VWA3B: variants seen among roughly 807,000 people sequenced by gnomAD.
VWA3B encodes von Willebrand factor A domain containing 3B.
In VWA3B, 138 loss-of-function variants were observed where a neutral mutation model predicts 158.3. The observed-to-expected ratio is 0.87, with a 90% CI of 0.76 to 1.00. The LOEUF (loss-of-function observed/expected upper bound fraction) is 1.00. Among genes scored for constraint, VWA3B ranks in the 50% least tolerant of loss-of-function variants. The pLI, the probability that VWA3B is intolerant of heterozygous loss-of-function variation, is 0.00. For missense variants in VWA3B, 1,555 were observed against 1,565.1 expected, an observed-to-expected ratio of 0.99 and a Z score of 0.11; for synonymous variants, 596 against 587.3, an observed-to-expected ratio of 1.01 and a Z score of -0.21.
chr2:98,235,484 G>A (rs1380485482), intron 17 of VWA3B, among the ~76,000 whole-genome samples: 1 of 151,282 alleles, frequency 6.6e-6, no homozygotes, highest in Non-Finnish European at 1.5e-5. Context: ...GGAGTGCAGT[G>A]GCGTGATCTC....
intron 9 of VWA3B, among the ~76,000 whole-genome samples, chr2:98,181,590 G>A (rs985885718): frequency 1.3e-5 from 2 of 152,170 alleles, no homozygotes. Context: ...GCGTTTCTGT[G>A]GTCCTCTTGT....
Position 98,255,345 on chromosome 2 carries a change from T to C in VWA3B, c.2793-779T>C, listed in dbSNP as rs1687067097. ...CTGCACCCGGCTGGAAGCAGTGTTTTTTAATGGAACATCAGCTCACAACCC... is the reference window on the plus strand; with the variant it reads ...CTGCACCCGGCTGGAAGCAGTGTTTCTTAATGGAACATCAGCTCACAACCC... On this transcript the variant is annotated intron_variant, in intron 20 of 27. Transcript: ENST00000477737. Among the ~76,000 whole-genome samples, 5 of 151,878 alleles carry C rather than the reference T, an allele frequency of 3.3e-5. 1 individual carries two copies. The South Asian group carries it at 6.2e-4, about 19-fold the overall frequency.
chr2:98,188,161 T>G, intron 10 of VWA3B, 32 bp downstream of exon 10: 1 of 1,596,460 alleles, frequency 6.3e-7, no homozygotes, highest in Non-Finnish European at 8.5e-7. Flanking sequence ...TTACAAGTGG[T>G]CTCCTCGCTC....
At chr2:98,294,708 A>G (rs556481734) in intron 23 of VWA3B, among the ~76,000 whole-genome samples, 1 of 152,262 alleles carries the variant, frequency 6.6e-6, no homozygotes, top group Non-Finnish European at 1.5e-5. Flanking sequence ...GCACTATGCC[A>G]TAAGAAGAAG....
At chr2:98,146,560 G>A (rs1403631905) in intron 7 of VWA3B, among the ~76,000 whole-genome samples, 1 of 152,142 alleles carries the variant, frequency 6.6e-6, no homozygotes, top group African/African-American at 2.4e-5. Context: ...TAGCATCCAG[G>A]TTGCCAACAA....
rs1574197281 is a variant in VWA3B at position 98,250,237 on chromosome 2, T to C, written c.2674-81T>C. ...CTTTATAGTCAGAGAAAACATGTTATACAACTATGTAGATGTATTTTCGAA... is the reference window on the plus strand; with the variant it reads ...CTTTATAGTCAGAGAAAACATGTTACACAACTATGTAGATGTATTTTCGAA... On this transcript the variant is annotated intron_variant, in intron 19 of 27. Coordinates refer to ENST00000477737, the MANE Select transcript of VWA3B (RefSeq NM_144992.5). The C allele has an allele frequency of 7.4e-6, 7 of 946,196 alleles. No individual in the cohort carries two copies. The East Asian group carries it at 1.8e-4, about 25-fold the overall frequency. 58.6% of individuals were successfully genotyped at this position (946,196 alleles called of 1,614,324 possible).
At chr2:98,306,957 CCTGTCT>C (rs1252026060) in intron 26 of VWA3B, among the ~76,000 whole-genome samples, 3 of 152,122 alleles carry the variant, frequency 2.0e-5, no homozygotes, top group Non-Finnish European at 4.4e-5. Flanking sequence ...CAGAGCTTAA[CCTGTCT>C]CTGTTTCTAT....
In VWA3B at chr2:98,312,665, T is replaced by C. The variant is rs1476453834; in HGVS notation, c.*316T>C. On this transcript the variant is annotated 3_prime_UTR_variant, in exon 28 of 28. Transcript: ENST00000477737. ...CTGAAGGATGACTGTCACAGGACTT[T>C]CAAATTGTTTAGCAGTCAGCATAGT... is the stretch of plus-strand genomic sequence containing the variant. 6 of 285,830 alleles carry C rather than the reference T, an allele frequency of 2.1e-5. No homozygotes were observed. Among genetic ancestry groups the C allele is most frequent in the Non-Finnish European group, 3.9e-5 (6 of 152,776 alleles). The allele number at this position is 285,830 out of a possible 1,614,324, so 17.7% of individuals were successfully genotyped here. A position where few individuals can be genotyped will look rare whatever the true frequency, so the allele number is the denominator to read the frequency against.
At chr2:98,132,195 A>G (rs1675924506) in intron 6 of VWA3B, among the ~76,000 whole-genome samples, 1 of 152,234 alleles carries the variant, frequency 6.6e-6, no homozygotes, top group South Asian at 2.1e-4. Flanking sequence ...GGTCTTGCAG[A>G]AAAGGATGAG....
intron 22 of VWA3B, among the ~76,000 whole-genome samples, chr2:98,288,381 A>C (rs760094045): frequency 1.4e-4 from 22 of 152,188 alleles, no homozygotes; most frequent in Non-Finnish European, 2.6e-4. Flanking sequence ...TTCACAGCTT[A>C]AGTCTGCATA....
intron 7 of VWA3B, among the ~76,000 whole-genome samples, chr2:98,152,621 A>G (rs147135896): frequency 1.6e-3 from 238 of 152,314 alleles, no homozygotes; most frequent in Non-Finnish European, 8.1e-4. Context: ...ATTTACTTAA[A>G]CTGAAATAGT....
chr2:98,267,596 C>A (rs903964145), intron 21 of VWA3B, among the ~76,000 whole-genome samples: 1 of 151,692 alleles, frequency 6.6e-6, no homozygotes, highest in African/African-American at 2.4e-5. Flanking sequence ...AGGAAAGATC[C>A]AAAATTGACA....
intron 7 of VWA3B, among the ~76,000 whole-genome samples, chr2:98,140,115 C>T (rs1374688692): frequency 2.0e-5 from 3 of 152,166 alleles, no homozygotes; most frequent in Admixed American, 1.3e-4. Flanking sequence ...AAGGAAGAAA[C>T]TCCGAACACA....
intron 12 of VWA3B, among the ~76,000 whole-genome samples, chr2:98,203,131 G>A (rs543910116): frequency 3.9e-5 from 6 of 152,174 alleles, no homozygotes; most frequent in South Asian, 2.1e-4. Context: ...ACACCCGGCC[G>A]GTTTATTTAT....
At chr2:98,318,401 T>A in the VWA3B span, among the ~76,000 whole-genome samples, 304 of 152,162 alleles carry the variant, frequency 2.0e-3, 2 homozygotes, top group Middle Eastern at 3.4e-3. Context: ...TAAAAAAGAA[T>A]GAGATAATGT....
At chr2:98,135,933 G>A (rs565167449) in intron 7 of VWA3B, among the ~76,000 whole-genome samples, 5 of 152,270 alleles carry the variant, frequency 3.3e-5, no homozygotes, top group African/African-American at 9.6e-5. Flanking sequence ...CACATCAGCC[G>A]TTTCACGCAT....
intron 14 of VWA3B, among the ~76,000 whole-genome samples, chr2:98,224,611 T>C (rs974031683): frequency 4.6e-5 from 7 of 152,124 alleles, no homozygotes; most frequent in Non-Finnish European, 8.8e-5. Flanking sequence ...TTAAATAACC[T>C]GAAGGAAGGC....
intron 2 of VWA3B, among the ~76,000 whole-genome samples, chr2:98,103,193 G>A (rs1158196337): frequency 6.6e-6 from 1 of 151,280 alleles, no homozygotes; most frequent in Non-Finnish European, 1.5e-5. Flanking sequence ...TTTTTTTCTT[G>A]CTAAGTCTTG....
chr2:98,324,448 T>G, the VWA3B span, among the ~76,000 whole-genome samples: 2 of 152,072 alleles, frequency 1.3e-5, no homozygotes. Flanking sequence ...GAGGTGTGAG[T>G]CACCACAGCC....
Sources: allele counts gnomAD v4.1 joint callset (sites outside exome capture counted in the v4.1 genomes callset), GRCh38; gene constraint gnomAD v4.1.1; transcripts MANE v1.5; gene names NCBI Gene and HGNC (gene_info 2026-07-23, HGNC 2026-07-21).